The following DCPH1 variants were observed in gnomAD, a reference collection of about 807,000 sequenced individuals.
DCPH1 encodes the protein damage-control phosphatase 1.
chr6:151,452,559 C>T, the DCPH1 span: 16 of 1,611,656 alleles, frequency 9.9e-6, no homozygotes, highest in Non-Finnish European at 1.4e-5. Flanking sequence ...GCTGTCGTCC[C>T]GGCGTCTCTC....
the DCPH1 span, among the ~76,000 whole-genome samples, chr6:151,455,957 C>T: frequency 1.3e-5 from 2 of 152,366 alleles, no homozygotes; most frequent in East Asian, 3.9e-4. Flanking sequence ...AGTATGCTGC[C>T]TTCAAGCATC....
the DCPH1 span, among the ~76,000 whole-genome samples, chr6:151,456,824 C>G: frequency 6.6e-6 from 1 of 152,120 alleles, no homozygotes; most frequent in Non-Finnish European, 1.5e-5. Context: ...CCCCATAATG[C>G]TTTTGTAATT....
At chr6:151,470,065 T>C in the DCPH1 span, 2 of 152,192 alleles carry the variant, frequency 1.3e-5, no homozygotes, top group Non-Finnish European at 2.9e-5. Flanking sequence ...GGAAATGTTT[T>C]GTTGCACTAA....
At chr6:151,461,884 A>T in the DCPH1 span, among the ~76,000 whole-genome samples, 34 of 152,096 alleles carry the variant, frequency 2.2e-4, no homozygotes, top group East Asian at 6.4e-3. Context: ...CGGATGTAGA[A>T]CTCTTCCCAA....
chr6:151,468,798 G>A, the DCPH1 span: 1 of 1,614,230 alleles, frequency 6.2e-7, no homozygotes, highest in Non-Finnish European at 8.5e-7. Context: ...TTTGGACTCT[G>A]CCTCATGAGT....
the DCPH1 span, among the ~76,000 whole-genome samples, chr6:151,460,319 C>T: frequency 2.6e-5 from 4 of 151,808 alleles, no homozygotes; most frequent in African/African-American, 9.7e-5. Context: ...GAACTCCTGA[C>T]CTCGAACTCC....
the DCPH1 span, chr6:151,469,428 A>G: frequency 1.4e-4 from 31 of 221,870 alleles, no homozygotes; most frequent in African/African-American, 6.4e-4. Context: ...GGAGCAAAAA[A>G]TAAGTGAGTT....
At chr6:151,452,694 C>G in the DCPH1 span, 2 of 1,197,894 alleles carry the variant, frequency 1.7e-6, no homozygotes, top group Non-Finnish European at 2.3e-6. Context: ...GCGTTCGAGT[C>G]CCGCCGCCGG....
chr6:151,460,313 T>G, the DCPH1 span, among the ~76,000 whole-genome samples: 1 of 151,806 alleles, frequency 6.6e-6, no homozygotes, highest in Non-Finnish European at 1.5e-5. Flanking sequence ...GGCCTTGAAC[T>G]CCTGACCTCG....
At chr6:151,454,128 T>C in the DCPH1 span, among the ~76,000 whole-genome samples, 40 of 152,334 alleles carry the variant, frequency 2.6e-4, no homozygotes, top group African/African-American at 8.7e-4. Context: ...TTAGACCCTT[T>C]AGGTGGTTTT....
the DCPH1 span, among the ~76,000 whole-genome samples, chr6:151,461,043 G>A: frequency 1.3e-5 from 2 of 152,210 alleles, no homozygotes; most frequent in South Asian, 2.1e-4. Flanking sequence ...TGGTCTGTGT[G>A]AATCAGATTA....
chr6:151,463,180 T>C, the DCPH1 span, among the ~76,000 whole-genome samples: 1 of 152,354 alleles, frequency 6.6e-6, no homozygotes, highest in African/African-American at 2.4e-5. Flanking sequence ...GGATTGGGTC[T>C]GTGCATCCGA....
At chr6:151,459,600 T>C in the DCPH1 span, among the ~76,000 whole-genome samples, 139 of 152,272 alleles carry the variant, frequency 9.1e-4, 1 homozygote, top group African/African-American at 2.8e-3. Flanking sequence ...GAGACCAGCC[T>C]GGTGAGCGTG....
chr6:151,456,540 A>T, the DCPH1 span, among the ~76,000 whole-genome samples: 8 of 152,238 alleles, frequency 5.3e-5, no homozygotes, highest in Non-Finnish European at 1.0e-4. Flanking sequence ...ACATAAACAT[A>T]ATTTTGGTAA....
the DCPH1 span, chr6:151,468,772 T>A: frequency 1.2e-6 from 2 of 1,614,170 alleles, no homozygotes; most frequent in Non-Finnish European, 1.7e-6. Context: ...TAAATGGGTT[T>A]ACCACAATCA....
At chr6:151,464,073 T>A in the DCPH1 span, among the ~76,000 whole-genome samples, 3 of 152,238 alleles carry the variant, frequency 2.0e-5, no homozygotes, top group Admixed American at 6.5e-5. Context: ...ATTCTATACA[T>A]TTGTTACTGG....
chr6:151,452,514 G>C, the DCPH1 span: 3 of 1,610,934 alleles, frequency 1.9e-6, no homozygotes. Context: ...CGATTGAACA[G>C]CCGAGCTTTG....
At chr6:151,465,056 GA>G in the DCPH1 span, among the ~76,000 whole-genome samples, 3 of 152,200 alleles carry the variant, frequency 2.0e-5, no homozygotes, top group African/African-American at 7.2e-5. Context: ...TGTGTAATTT[GA>G]TGTGAGAATT....
chr6:151,466,383 A>T, the DCPH1 span, among the ~76,000 whole-genome samples: 3 of 151,900 alleles, frequency 2.0e-5, no homozygotes, highest in African/African-American at 7.3e-5. Flanking sequence ...TCTTTGTCCC[A>T]TAGTATAATA....
Sources: allele counts gnomAD v4.1 joint callset (sites outside exome capture counted in the v4.1 genomes callset), GRCh38; gene constraint gnomAD v4.1.1; transcripts MANE v1.5; gene names NCBI Gene and HGNC (gene_info 2026-07-23, HGNC 2026-07-21).